CASP2: variants seen among roughly 807,000 people sequenced by gnomAD.
CASP2 encodes the protein caspase 2.
In CASP2, 38 loss-of-function variants were observed where a neutral mutation model predicts 54.4. That is an observed-to-expected ratio of 0.70 (90% CI 0.54 to 0.92). The LOEUF is 0.92. CASP2 is among the 40% of genes least tolerant of loss of function. The probability of loss-of-function intolerance (pLI) is 0.00; values close to 1 mark genes in which losing one functional copy is unlikely to be tolerated. For synonymous variants in CASP2, 215 were observed against 216.3 expected (o/e 0.99, Z 0.05); for missense variants, 512 against 579.6 (o/e 0.88, Z 1.20).
intron 9 of CASP2, among the ~76,000 whole-genome samples, chr7:143,304,248 A>G (rs904777290): frequency 6.6e-6 from 1 of 152,176 alleles, no homozygotes; most frequent in Admixed American, 6.5e-5. Flanking sequence ...GCTGCTTTTT[A>G]CAAATTGAAG....
intron 2 of CASP2, among the ~76,000 whole-genome samples, chr7:143,292,084 T>C (rs1428032920): frequency 9.2e-5 from 14 of 152,032 alleles, no homozygotes; most frequent in Admixed American, 6.6e-4. Context: ...AGCTGGATGT[T>C]GTACCTTTCT....
rs1802033992 is a variant in CASP2, at chr7:143,305,271, C to T, written c.*200C>T. On this transcript the variant is annotated 3_prime_UTR_variant, in exon 11 of 11. Coordinates refer to ENST00000310447, the MANE Select transcript of CASP2 (RefSeq NM_032982.4). ...AGCTCCTTTTCTGTGAAGCCCTTTG[C>T]CTGTAGAGCCAGCCTTGGTTGGACC... is the stretch of plus-strand genomic sequence containing the variant. 1.5e-6 allele frequency: 1 copy of T among 680,784 alleles called. No individual in the cohort carries two copies. Among genetic ancestry groups the T allele is most frequent in the Non-Finnish European group, 2.6e-6 (1 of 387,258 alleles). 42.2% of individuals were successfully genotyped at this position (680,784 alleles called of 1,614,324 possible).
At chr7:143,292,724 T>A (rs1218531353) in intron 4 of CASP2, 26 bp downstream of exon 4, 8 of 1,589,784 alleles carry the variant, frequency 5.0e-6, no homozygotes, top group Non-Finnish European at 6.9e-6. Context: ...CTAAAAGGGG[T>A]CCCAGGCCAG....
chr7:143,301,531 G>C (rs538917500), intron 8 of CASP2: 1 of 152,290 alleles, frequency 6.6e-6, no homozygotes, highest in South Asian at 2.1e-4. Flanking sequence ...GGTACAAACT[G>C]TACTTAGGAA....
intron 8 of CASP2, chr7:143,300,643 T>A: frequency 7.8e-7 from 1 of 1,287,006 alleles, no homozygotes; most frequent in Non-Finnish European, 1.0e-6. Flanking sequence ...AGTTACGGAT[T>A]TTTGATCTGT....
intron 6 of CASP2, among the ~76,000 whole-genome samples, chr7:143,297,825 A>G (rs552340561): frequency 1.3e-5 from 2 of 152,384 alleles, no homozygotes; most frequent in Admixed American, 1.3e-4. Flanking sequence ...CCAGAGGAAC[A>G]TTCACAGTTA....
In CASP2 at chr7:143,304,721, G is replaced by C; in HGVS notation, c.1165G>C (p.Ala389Pro). ...CAAACGAGGTTCCTGGTACATCGAGGCTCTTGCTCAAGTGTTTTCTGAGCG... is the reference window on the plus strand; with the variant it reads ...CAAACGAGGTTCCTGGTACATCGAGCCTCTTGCTCAAGTGTTTTCTGAGCG... Reference protein sequence around the residue: ...NTKRGSWYIEALAQVFSERAC... With the variant: ...NTKRGSWYIEPLAQVFSERAC... The change falls in exon 10 of 11, where the codon GCT (alanine) becomes CCT (proline). Residue 389 changes from alanine (A) to proline (P), a missense_variant. By Grantham distance (27) the Ala-to-Pro change is conservative (BLOSUM62 -1). Around this residue, in one of 3 missense-constraint regions of CASP2, gnomAD observed 417 missense variants for 495.4 expected, o/e 0.84. Coordinates refer to ENST00000310447, the MANE Select transcript of CASP2 (RefSeq NM_032982.4). The C allele has an allele frequency of 6.2e-7, 1 of 1,614,212 alleles. No individual in the cohort carries two copies. The highest frequency in any genetic ancestry group is 1.1e-5 in the South Asian group (1 of 91,080).
At chr7:143,304,860 A>T in intron 10 of CASP2, 77 bp downstream of exon 10, 1 of 1,609,028 alleles carries the variant, frequency 6.2e-7, no homozygotes, top group South Asian at 1.1e-5. Context: ...GCTCTTTCAT[A>T]GTCCGTCTCC....
intron 8 of CASP2, chr7:143,302,290 C>T (rs1208683502): frequency 6.6e-6 from 1 of 152,152 alleles, no homozygotes; most frequent in Non-Finnish European, 1.5e-5. Context: ...GGATTTAATA[C>T]ACTATTGGAT....
Position 143,292,232 on chromosome 7 carries a change from T to C in CASP2, c.226-68T>C, listed in dbSNP as rs192990543. ...TTGGATGAGGACACTACTAGGAAGC[T>C]CATGTGGAGAAATAGAATTATAGCT... On this transcript the variant is annotated intron_variant, in intron 2 of 10. Coordinates refer to ENST00000310447, the MANE Select transcript of CASP2 (RefSeq NM_032982.4). 36 of 1,516,828 alleles carry C rather than the reference T, an allele frequency of 2.4e-5. No homozygotes were observed. The East Asian group carries it at 8.1e-4, about 34-fold the overall frequency. 94.0% of individuals were successfully genotyped at this position (1,516,828 alleles called of 1,614,324 possible). A position where few individuals can be genotyped will look rare whatever the true frequency, so the allele number is the denominator to read the frequency against.
chr7:143,294,371 C>G (rs368749389), intron 5 of CASP2, 47 bp downstream of exon 5: 14 of 1,322,922 alleles, frequency 1.1e-5, no homozygotes, highest in Non-Finnish European at 1.5e-5. Flanking sequence ...GGAAATTAGA[C>G]ACCCTTCCTG....
chr7:143,304,108 G>A (rs749587843), intron 9 of CASP2, among the ~76,000 whole-genome samples, 175 bp downstream of exon 9: 1 of 152,080 alleles, frequency 6.6e-6, no homozygotes, highest in Non-Finnish European at 1.5e-5. Context: ...ATACTTACTA[G>A]TTGAGTATCC....
rs1428303866 is a variant in CASP2 at position 143,305,364 on chromosome 7, A to G, written c.*293A>G. ...GTGAAGTTGTAAACACAGTGTGGTT[A>G]TGGGGAGAGGGCATATAAATTCCCC... On this transcript the variant is annotated 3_prime_UTR_variant, in exon 11 of 11. Transcript: ENST00000310447. The G allele has an allele frequency of 4.0e-6, 2 of 501,138 alleles. No homozygotes were observed. The highest frequency in any genetic ancestry group is 7.3e-6 in the Non-Finnish European group (2 of 274,024). The allele number at this position is 501,138 out of a possible 1,614,324, so 31.0% of individuals were successfully genotyped here.
chr7:143,300,396 T>A, intron 8 of CASP2, 102 bp downstream of exon 8: 1 of 1,600,162 alleles, frequency 6.2e-7, no homozygotes, highest in Non-Finnish European at 8.5e-7. Flanking sequence ...TTGGATCCCT[T>A]GGGCACCTCC....
At chr7:143,296,562 G>C (rs1586461082) in intron 6 of CASP2, among the ~76,000 whole-genome samples, 1 of 152,188 alleles carries the variant, frequency 6.6e-6, no homozygotes, top group African/African-American at 2.4e-5. Context: ...ACCCTAGGCA[G>C]GGAGAACAGT....
chr7:143,301,671 C>G (rs945081051), intron 8 of CASP2: 3 of 152,030 alleles, frequency 2.0e-5, no homozygotes, highest in Non-Finnish European at 2.9e-5. Flanking sequence ...TAGAGTCTGT[C>G]GTAGGAAAGA....
chr7:143,304,612 A>G, intron 9 of CASP2, 62 bp from the exon 10 acceptor site: 2 of 1,210,944 alleles, frequency 1.7e-6, no homozygotes, highest in Non-Finnish European at 2.5e-6. Context: ...GGCCGAGTCT[A>G]GTTTGGGAAG....
At chr7:143,288,704 A>G (rs999743140) in intron 1 of CASP2, among the ~76,000 whole-genome samples, 175 bp downstream of exon 1, 6 of 152,198 alleles carry the variant, frequency 3.9e-5, no homozygotes, top group South Asian at 4.1e-4. Flanking sequence ...ACTCCGCGCA[A>G]GGGCCCGCGG....
chr7:143,293,389 A>C (rs1327849197), intron 4 of CASP2, among the ~76,000 whole-genome samples: 3 of 152,154 alleles, frequency 2.0e-5, no homozygotes, highest in Non-Finnish European at 4.4e-5. Context: ...TGGCCTCCCA[A>C]AGTGCTGGGA....
Sources: allele counts gnomAD v4.1 joint callset (sites outside exome capture counted in the v4.1 genomes callset), GRCh38; gene constraint gnomAD v4.1.1; regional missense constraint gnomAD v4.1.1; transcripts MANE v1.5; gene names NCBI Gene and HGNC (gene_info 2026-07-23, HGNC 2026-07-21).